Variants in NLRC5 observed in about 807,000 individuals in gnomAD.
NLRC5 encodes the protein NLR family CARD domain containing 5.
A neutral mutation model predicts 206.9 loss-of-function variants in NLRC5; 114 were observed. The ratio of observed to expected loss-of-function variants is 0.55; its 90% confidence interval spans 0.47 to 0.64. The LOEUF is 0.64. Among genes scored for constraint, NLRC5 ranks in the 30% least tolerant of loss-of-function variants. NLRC5 has a pLI of 0.00. For missense variants in NLRC5, 2,008 were observed against 2,305.5 expected (o/e 0.87, Z 2.64); for synonymous variants, 952 against 962.8 (o/e 0.99, Z 0.21).
At chr16:57,082,075 G>C (rs1410305855) in intron 48 of NLRC5, among the ~76,000 whole-genome samples, 1 of 152,348 alleles carries the variant, frequency 6.6e-6, no homozygotes, top group Non-Finnish European at 1.5e-5. Flanking sequence ...TGAGAGTAAA[G>C]TACCTTGTTC....
intron 20 of NLRC5, chr16:57,043,854 C>T (rs2063588915): frequency 1.1e-5 from 6 of 553,520 alleles, no homozygotes; most frequent in Non-Finnish European, 1.9e-5. Flanking sequence ...TTGACTCTGC[C>T]TCACTCGTTC....
Position 57,026,113 on chromosome 16 carries a change from G to C in NLRC5, c.1170G>C (p.Leu390=), listed in dbSNP as rs376197946. The change falls in exon 6 of 49, where the codon CTG becomes CTC. Residue 390 remains leucine, a synonymous_variant. Coordinates refer to ENST00000688547, the MANE Select transcript of NLRC5 (RefSeq NM_001384950.1). ...FSAQPSREGA[L]VELQTNGRLR... ...CCCAGCCATCGCGGGAGGGGGCCCT[G>C]GTGGAGTTACAGACAAATGGACGTC... The C allele has an allele frequency of 1.2e-6, 2 of 1,614,132 alleles. No individual in the cohort carries two copies. Among genetic ancestry groups the C allele is most frequent in the South Asian group, 1.1e-5 (1 of 91,090 alleles).
At chr16:57,031,156 T>C (rs574459746) in intron 10 of NLRC5, among the ~76,000 whole-genome samples, 4 of 152,286 alleles carry the variant, frequency 2.6e-5, no homozygotes, top group Admixed American at 2.0e-4. Flanking sequence ...TTTTATTATA[T>C]TTCTTGTGAA....
Position 57,061,618 on chromosome 16 carries a change from G to A in NLRC5, c.4071G>A (p.Thr1357=). 6.2e-7 allele frequency: 1 copy of A among 1,610,238 alleles called. No individual in the cohort carries two copies. The highest frequency in any genetic ancestry group is 1.7e-4 in the Middle Eastern group (1 of 6,058). ...CTCAGTGACTGACCTCTGTCTCCAGGCTGACCCAGTGCTGCCTGGGCCAGA... is the reference window on the plus strand; with the variant it reads ...CTCAGTGACTGACCTCTGTCTCCAGACTGACCCAGTGCTGCCTGGGCCAGA... ...LSKSLQLTEL[T]LTQCCLGQKQ... is the part of the protein sequence containing the mutation. Residue 1357 remains threonine, a splice_region_variant and synonymous_variant, in exon 32 of 49, where the codon ACG becomes ACA. Coordinates refer to ENST00000688547, the MANE Select transcript of NLRC5 (RefSeq NM_001384950.1).
At chr16:57,079,319 G>C (rs770336736) in intron 45 of NLRC5, 27 bp downstream of exon 45, 34 of 1,611,302 alleles carry the variant, frequency 2.1e-5, no homozygotes, top group Non-Finnish European at 2.9e-5. Flanking sequence ...GCCTGCCTAG[G>C]GGACCAGTGG....
Position 57,030,001 on chromosome 16 carries a change from C to G in NLRC5, c.2334C>G (p.Ser778Arg). 1 of 1,614,142 alleles carries G rather than the reference C, an allele frequency of 6.2e-7. No individual in the cohort carries two copies. The highest frequency in any genetic ancestry group is 8.5e-7 in the Non-Finnish European group (1 of 1,180,012). The change falls in exon 10 of 49, where the codon AGC becomes AGG. Residue 778 changes from serine (S) to arginine (R), a missense_variant. Coordinates refer to ENST00000688547, the MANE Select transcript of NLRC5 (RefSeq NM_001384950.1). ...HLPRLRKLDL[S>R]SNSICVSTLL... ...CTTTGCCACAATCTTGCAGCCTGAGCAGCAACAGCATCTGCGTGTCAACCC... is the reference window on the plus strand; with the variant it reads ...CTTTGCCACAATCTTGCAGCCTGAGGAGCAACAGCATCTGCGTGTCAACCC...
intron 34 of NLRC5, 81 bp from the exon 35 acceptor site, chr16:57,067,306 A>T: frequency 8.9e-7 from 1 of 1,125,840 alleles, no homozygotes; most frequent in Non-Finnish European, 1.4e-6. Flanking sequence ...CCCCTACACC[A>T]TAAGCTCCTT....
intron 19 of NLRC5, among the ~76,000 whole-genome samples, chr16:57,043,131 T>C (rs879814909): frequency 5.9e-5 from 9 of 152,130 alleles, no homozygotes; most frequent in Admixed American, 5.2e-4. Context: ...GGAGACACTT[T>C]GTTCCTGCTT....
At chr16:57,019,868 C>A (rs757789811) in intron 2 of NLRC5, among the ~76,000 whole-genome samples, 24 of 152,098 alleles carry the variant, frequency 1.6e-4, no homozygotes, top group Non-Finnish European at 2.6e-4. Flanking sequence ...GTTGTCTCTG[C>A]CATGAGGTTA....
At chr16:57,024,613 G>C (rs962930136) in intron 5 of NLRC5, among the ~76,000 whole-genome samples, 1 of 152,168 alleles carries the variant, frequency 6.6e-6, no homozygotes, top group Non-Finnish European at 1.5e-5. Flanking sequence ...GTAATGCCTA[G>C]GCCTACAGGT....
At chr16:57,001,623 T>C (rs2058267987) in intron 1 of NLRC5, among the ~76,000 whole-genome samples, 1 of 152,164 alleles carries the variant, frequency 6.6e-6, no homozygotes, top group Admixed American at 6.5e-5. Context: ...TTAATTTTTG[T>C]GGGTACATAG....
At chr16:56,999,685 G>T (rs894558528) in intron 1 of NLRC5, among the ~76,000 whole-genome samples, 1 of 152,284 alleles carries the variant, frequency 6.6e-6, no homozygotes, top group African/African-American at 2.4e-5. Context: ...TCTGCCCTGG[G>T]AAGGGGATAA....
intron 39 of NLRC5, 51 bp from the exon 40 acceptor site, chr16:57,076,768 A>G (rs772295173): frequency 1.6e-5 from 24 of 1,535,476 alleles, no homozygotes; most frequent in Non-Finnish European, 2.2e-5. Flanking sequence ...CAGCACCTGC[A>G]AAGGCCTTTA....
In NLRC5 at chr16:57,023,815, C is replaced by G. The variant is rs747167964; in HGVS notation, c.386C>G (p.Ser129Cys). 2 of 1,612,124 alleles carry G rather than the reference C, an allele frequency of 1.2e-6. No individual in the cohort carries two copies. The highest frequency in any genetic ancestry group is 2.2e-5 in the South Asian group (2 of 90,544). The change falls in exon 5 of 49, where the codon TCC becomes TGC. Residue 129 changes from serine to cysteine, a missense_variant. Transcript: ENST00000688547. ...GLKRPHQSCGSSPRRKQCKKQ... is the reference protein window; with the variant it reads ...GLKRPHQSCGCSPRRKQCKKQ... ...AAGCGCCCACATCAGAGCTGTGGGT[C>G]CTCACCCCGCCGGAAGCAGTGCAAG...
At chr16:57,047,889 C>A (rs2064219430) in intron 23 of NLRC5, 1 of 521,600 alleles carries the variant, frequency 1.9e-6, no homozygotes, top group African/African-American at 1.9e-5. Context: ...CAACTCAGGG[C>A]ACCTGGGAGC....
At chr16:57,047,712 A>C in intron 23 of NLRC5, 84 bp downstream of exon 23, 1 of 1,156,458 alleles carries the variant, frequency 8.6e-7, no homozygotes, top group South Asian at 1.3e-5. Context: ...GTTAGAAGAC[A>C]GGTGAGTCTT....
chr16:56,990,338 AC>A (rs1317876994), intron 1 of NLRC5, among the ~76,000 whole-genome samples: 1 of 152,244 alleles, frequency 6.6e-6, no homozygotes, highest in African/African-American at 2.4e-5. Flanking sequence ...AAACCACAGT[AC>A]CACCAGCATA....
At chr16:57,036,383 C>T (rs1597288190) in intron 14 of NLRC5, among the ~76,000 whole-genome samples, 200 bp downstream of exon 14, 1 of 152,236 alleles carries the variant, frequency 6.6e-6, no homozygotes, top group South Asian at 2.1e-4. Flanking sequence ...TCATCTAGCA[C>T]CCTTACATGT....
chr16:57,066,640 A>G (rs1232625629), intron 34 of NLRC5, 26 bp downstream of exon 34: 1 of 1,599,168 alleles, frequency 6.3e-7, no homozygotes, highest in African/African-American at 1.3e-5. Flanking sequence ...AGGGACCCCA[A>G]GGCAGGGGCT....
Sources: allele counts gnomAD v4.1 joint callset (sites outside exome capture counted in the v4.1 genomes callset), GRCh38; gene constraint gnomAD v4.1.1; transcripts MANE v1.5; gene names NCBI Gene and HGNC (gene_info 2026-07-23, HGNC 2026-07-21).